The following SMAD3 variants were observed in gnomAD, a reference collection of about 807,000 sequenced individuals.
SMAD3 encodes the protein MAD homolog 3.
In SMAD3, 12 loss-of-function variants were observed where a neutral mutation model predicts 51.8. The observed-to-expected ratio is 0.23, with a 90% CI of 0.15 to 0.38. The LOEUF (loss-of-function observed/expected upper bound fraction) is 0.38. Among genes scored for constraint, SMAD3 ranks in the 10% least tolerant of loss-of-function variants. The pLI, the probability that SMAD3 is intolerant of heterozygous loss-of-function variation, is 1.00. For missense variants in SMAD3, 294 were observed against 565.6 expected (o/e 0.52, Z 4.87); for synonymous variants, 238 against 227.7 (o/e 1.05, Z -0.41).
At chr15:67,087,251 A>C (rs1405434968) in intron 1 of SMAD3, among the ~76,000 whole-genome samples, 16 of 152,146 alleles carry the variant, frequency 1.1e-4, no homozygotes, top group Non-Finnish European at 2.4e-4. Flanking sequence ...CCTCACTGGC[A>C]GCAAGAATGA....
At chr15:67,170,090 G>C (rs1230576245) in intron 4 of SMAD3, among the ~76,000 whole-genome samples, 1 of 152,166 alleles carries the variant, frequency 6.6e-6, no homozygotes, top group Non-Finnish European at 1.5e-5. Context: ...TGCTGGGGAG[G>C]CCTCAAGCCC....
chr15:67,066,588 G>T (rs1195198269), intron 1 of SMAD3, among the ~76,000 whole-genome samples: 1 of 152,232 alleles, frequency 6.6e-6, no homozygotes, highest in African/African-American at 2.4e-5. Flanking sequence ...CTTCCACGCG[G>T]CACTCTGGCT....
chr15:67,107,944 C>T lies in SMAD3; in HGVS notation c.206+41584C>T, dbSNP rs1960915048. Among the ~76,000 whole-genome samples the T allele has an allele frequency of 3.3e-5, 5 of 151,508 alleles. No homozygotes were observed. In the South Asian group the frequency reaches 8.5e-4, roughly 26 times the overall value. The stretch of plus-strand genomic sequence containing the variant: ...CCTCCAGGTCATCTCCCCGAGCAGC[C>T]TCCCTGGATCTGCTCTCCTCTCCCC... On this transcript the variant is annotated intron_variant, in intron 1 of 8. Coordinates refer to ENST00000327367, the MANE Select transcript of SMAD3 (RefSeq NM_005902.4).
At chr15:67,090,425 G>C (rs1401535922) in intron 1 of SMAD3, among the ~76,000 whole-genome samples, 1 of 152,124 alleles carries the variant, frequency 6.6e-6, no homozygotes, top group Admixed American at 6.5e-5. Flanking sequence ...GAAGTGACTT[G>C]ACTGATCATC....
At chr15:67,123,495 G>A (rs904010815) in intron 1 of SMAD3, among the ~76,000 whole-genome samples, 4 of 152,020 alleles carry the variant, frequency 2.6e-5, no homozygotes, top group African/African-American at 4.8e-5. Flanking sequence ...GCAAAACTCC[G>A]TCTCAAAAAA....
At chr15:67,150,843 CAG>C (rs1962117217) in intron 1 of SMAD3, among the ~76,000 whole-genome samples, 1 of 29,540 alleles carries the variant, frequency 3.4e-5, no homozygotes, top group Non-Finnish European at 7.3e-5. Flanking sequence ...AGCTATTTCT[CAG>C]TCTTTTTTTT....
chr15:67,171,682 G>A (rs1006038930), intron 5 of SMAD3, among the ~76,000 whole-genome samples: 2 of 152,202 alleles, frequency 1.3e-5, no homozygotes, highest in Admixed American at 1.3e-4. Flanking sequence ...TGGAATATTA[G>A]GAGATGCTTG....
chr15:67,140,290 C>G (rs1285030502), intron 1 of SMAD3, among the ~76,000 whole-genome samples: 3 of 152,318 alleles, frequency 2.0e-5, no homozygotes, highest in South Asian at 2.1e-4. Context: ...CTTCCTAGTC[C>G]CCACTGAAAA....
intron 1 of SMAD3, among the ~76,000 whole-genome samples, chr15:67,135,549 G>GT (rs72219900): frequency 0.35 from 52,409 of 150,626 alleles, 9,803 homozygotes; most frequent in Non-Finnish European, 0.45. Context: ...CCACTTAATT[G>GT]TTTTTTTTTA....
At chr15:67,071,698 G>A (rs1960057311) in intron 1 of SMAD3, among the ~76,000 whole-genome samples, 1 of 152,170 alleles carries the variant, frequency 6.6e-6, no homozygotes, top group Non-Finnish European at 1.5e-5. Context: ...TGTAGTCCCA[G>A]CTACTCGGGA....
chr15:67,071,269 A>G (rs1272224016), intron 1 of SMAD3, among the ~76,000 whole-genome samples: 1 of 152,210 alleles, frequency 6.6e-6, no homozygotes, highest in Admixed American at 6.5e-5. Context: ...GTACATGGGG[A>G]TAGTTCCCTA....
chr15:67,089,955 G>A (rs1960476159), intron 1 of SMAD3, among the ~76,000 whole-genome samples: 1 of 152,196 alleles, frequency 6.6e-6, no homozygotes, highest in South Asian at 2.1e-4. Flanking sequence ...GTGGCCAGCA[G>A]TAGTGTTGGG....
At chr15:67,111,988 A>G (rs1322279672) in intron 1 of SMAD3, among the ~76,000 whole-genome samples, 1 of 151,858 alleles carries the variant, frequency 6.6e-6, no homozygotes, top group Non-Finnish European at 1.5e-5. Flanking sequence ...GGGTTTCACC[A>G]TGATGGCCAG....
At chr15:67,086,910 T>C (rs1311330282) in intron 1 of SMAD3, among the ~76,000 whole-genome samples, 4 of 139,380 alleles carry the variant, frequency 2.9e-5, no homozygotes, top group African/African-American at 5.3e-5. Context: ...TTTTTTTTTT[T>C]CTGAGACGGA....
chr15:67,151,782 G>T (rs1962152133), intron 1 of SMAD3, among the ~76,000 whole-genome samples: 1 of 152,052 alleles, frequency 6.6e-6, no homozygotes, highest in Non-Finnish European at 1.5e-5. Context: ...AGGTTAATTA[G>T]CATCTCCATC....
At chr15:67,182,994 A>ATATATATATATATATAT (rs1430882894) in intron 6 of SMAD3, among the ~76,000 whole-genome samples, 1 of 55,438 alleles carries the variant, frequency 1.8e-5, no homozygotes, top group Non-Finnish European at 3.3e-5. Context: ...ATTAAAAAAA[A>ATATATATATATATATAT]AAAAAAATAT....
At chr15:67,095,961 C>A (rs1273473936) in intron 1 of SMAD3, among the ~76,000 whole-genome samples, 4 of 152,220 alleles carry the variant, frequency 2.6e-5, no homozygotes, top group African/African-American at 4.8e-5. Flanking sequence ...TGAGCACAGA[C>A]TTCTGCCGGA....
intron 5 of SMAD3, 35 bp from the exon 6 acceptor site, chr15:67,181,206 A>G: frequency 6.4e-7 from 1 of 1,557,728 alleles, no homozygotes; most frequent in South Asian, 1.1e-5. Context: ...GGCTTGGGAC[A>G]CCCAATGACC....
chr15:67,098,442 A>G (rs1855746482), intron 1 of SMAD3: 1 of 200,700 alleles, frequency 5.0e-6, no homozygotes. Flanking sequence ...GACTCAGGAA[A>G]GGGTGCAGCC....
Sources: gnomAD v4.1 joint callset for allele counts (sites outside exome capture counted in the v4.1 genomes callset) on GRCh38, gnomAD v4.1.1 for gene constraint, MANE v1.5 for transcripts, NCBI Gene and HGNC (gene_info 2026-07-23, HGNC 2026-07-21) for gene names.